Variants in ZC3H8 observed in about 807,000 individuals in gnomAD.
ZC3H8 encodes the protein zinc finger CCCH domain-containing protein 8.
A neutral mutation model predicts 42.5 loss-of-function variants in ZC3H8; 27 were observed. That is an observed-to-expected ratio of 0.64 (90% CI 0.47 to 0.88). The LOEUF is 0.88. Among genes scored for constraint, ZC3H8 ranks in the 40% least tolerant of loss-of-function variants. The probability of loss-of-function intolerance (pLI) is 0.00; values close to 1 mark genes in which losing one functional copy is unlikely to be tolerated. For missense variants in ZC3H8, 277 were observed against 336.1 expected (o/e 0.82, Z 1.37); for synonymous variants, 101 against 110.1 (o/e 0.92, Z 0.52).
At chr2:112,225,607 A>C (rs897224421) in intron 8 of ZC3H8, among the ~76,000 whole-genome samples, 16 of 152,254 alleles carry the variant, frequency 1.1e-4, no homozygotes, top group Non-Finnish European at 1.8e-4. Context: ...ACTTGAGGTC[A>C]GGAGTTCGAG....
chr2:112,240,244 A>G (rs1685522704), intron 2 of ZC3H8: 1 of 152,242 alleles, frequency 6.6e-6, no homozygotes, highest in African/African-American at 2.4e-5. Flanking sequence ...AACACCAATT[A>G]CATCCATTCA....
chr2:112,234,218 T>G lies in ZC3H8; in HGVS notation c.523A>C (p.Lys175Gln), dbSNP rs1402524542. 1 of 1,604,960 alleles carries G rather than the reference T, an allele frequency of 6.2e-7. No homozygotes were observed. The change falls in exon 5 of 9, where the codon AAG becomes CAG. Residue 175 changes from lysine to glutamine, a missense_variant. Physicochemically the swap from Lys to Gln is moderately conservative, Grantham distance 53. Transcript: ENST00000409573. ...AATGCCTGACTCAAATGCTGCTGCT[T>G]CTCTTTAGGTTTACCATCCTTTAAA... ...SQEEDGKPKE[K>Q]QQHLSQAFIN...
intron 6 of ZC3H8, among the ~76,000 whole-genome samples, chr2:112,232,710 T>C (rs1297948950): frequency 6.6e-6 from 1 of 152,204 alleles, no homozygotes; most frequent in East Asian, 1.9e-4. Context: ...CAAATTACAA[T>C]TTGATACTCC....
At position 112,254,084 on chromosome 2, in the gene ZC3H8, T is replaced by C. The variant is rs1686045030; in HGVS notation, c.74+824A>G. 6 of 978,228 alleles carry C rather than the reference T, an allele frequency of 6.1e-6. No individual in the cohort carries two copies. In the South Asian group the frequency reaches 2.8e-4, roughly 46 times the overall value. The allele number at this position is 978,228 out of a possible 1,614,324, so 60.6% of individuals were successfully genotyped here. A position where few individuals can be genotyped will look rare whatever the true frequency, so the allele number is the denominator to read the frequency against. ...TGTTTTGAGGATTAAGTGATTTATTTCATGTAAAGCACAAGGTAAAGCTCT... is the reference window on the plus strand; with the variant it reads ...TGTTTTGAGGATTAAGTGATTTATTCCATGTAAAGCACAAGGTAAAGCTCT... On this transcript the variant is annotated intron_variant, in intron 1 of 8. Transcript: ENST00000409573.
chr2:112,238,380 T>G lies in ZC3H8; in HGVS notation c.305A>C (p.Glu102Ala), dbSNP rs1320354830. Residue 102 changes from glutamate to alanine, a missense_variant, in exon 3 of 9, where the codon GAA (glutamate) becomes GCA (alanine). Physicochemically the swap from Glu to Ala is moderately radical, Grantham distance 107. Coordinates refer to ENST00000409573, the MANE Select transcript of ZC3H8 (RefSeq NM_032494.3). ...KELQQYIQAR[E>A]MANAAQPEES... Reference sequence around the variant, plus strand: ...TTCAGGTTGAGCAGCATTTGCCATTTCTCTGGCTTGTATGTACTGTTGAAG... The same window carrying G: ...TTCAGGTTGAGCAGCATTTGCCATTGCTCTGGCTTGTATGTACTGTTGAAG... 6.2e-7 allele frequency: 1 copy of G among 1,613,760 alleles called. No homozygotes were observed.
At chr2:112,231,756 A>T in intron 7 of ZC3H8, 82 bp downstream of exon 7, 1 of 803,416 alleles carries the variant, frequency 1.2e-6, no homozygotes, top group Non-Finnish European at 1.9e-6. Flanking sequence ...CACTCTCCTT[A>T]ATTATCTTCA....
chr2:112,233,102 G>GA lies in ZC3H8; in HGVS notation c.733+157dup, dbSNP rs199674806. Among the ~76,000 whole-genome samples, 68 of 152,198 alleles carry GA rather than the reference G, an allele frequency of 4.5e-4. No individual in the cohort carries two copies. In the East Asian group the frequency reaches 0.01, roughly 23 times the overall value. On this transcript the variant is annotated intron_variant, in intron 6 of 8. Coordinates refer to ENST00000409573, the MANE Select transcript of ZC3H8 (RefSeq NM_032494.3). Reference sequence around the variant, plus strand: ...AAAGAATCCCTCTTTTCTTGCTTATGAAAAAATCCACGTACAATTTAATCA... The same window carrying GA: ...AAAGAATCCCTCTTTTCTTGCTTATGAAAAAAATCCACGTACAATTTAATCA...
At chr2:112,254,692 G>A (rs929572019) in intron 1 of ZC3H8, among the ~76,000 whole-genome samples, 1 of 152,308 alleles carries the variant, frequency 6.6e-6, no homozygotes, top group East Asian at 1.9e-4. Context: ...GGCCCTGACG[G>A]CCTAAGCCTG....
At chr2:112,246,843 T>C (rs1558933041) in intron 2 of ZC3H8, among the ~76,000 whole-genome samples, 1 of 152,222 alleles carries the variant, frequency 6.6e-6, no homozygotes, top group Non-Finnish European at 1.5e-5. Flanking sequence ...TAAAATGCTA[T>C]CAAACAGCAT....
At position 112,231,921 on chromosome 2, in the gene ZC3H8, T is replaced by G. The variant is rs1685110438; in HGVS notation, c.760A>C (p.Thr254Pro). 2 of 1,583,538 alleles carry G rather than the reference T, an allele frequency of 1.3e-6. No individual in the cohort carries two copies. The highest frequency in any genetic ancestry group is 1.7e-5 in the Admixed American group (1 of 59,088). Residue 254 changes from threonine to proline, a missense_variant, in exon 7 of 9, where the codon ACA becomes CCA. Transcript: ENST00000409573. ...TCTCCCTGATAACATTTTGTTCCTGTATGGTAAAACTTACAAGGATATTCA... is the reference window on the plus strand; with the variant it reads ...TCTCCCTGATAACATTTTGTTCCTGGATGGTAAAACTTACAAGGATATTCA... ...HNEYPCKFYHTGTKCYQGEYC... is the reference protein window; with the variant it reads ...HNEYPCKFYHPGTKCYQGEYC...
chr2:112,212,988 T>TTTTTTC lies in ZC3H8; in HGVS notation c.*3495_*3496insGAAAAA, dbSNP rs1553483034. On this transcript the variant is annotated 3_prime_UTR_variant, in exon 9 of 9. Coordinates refer to ENST00000409573, the MANE Select transcript of ZC3H8 (RefSeq NM_032494.3). ...TGCTTTTTTTTTTTTTTTTTTTTTTTATAAGAGACAAGGCTCTGTTGCCCA... is the reference window on the plus strand; with the variant it reads ...TGCTTTTTTTTTTTTTTTTTTTTTTTTTTTTCATAAGAGACAAGGCTCTGTTGCCCA... 4.3e-5 allele frequency: 5 copies of TTTTTTC among 115,644 alleles called. No homozygotes were observed. The highest frequency in any genetic ancestry group is 1.7e-4 in the African/African-American group (5 of 28,654). 7.2% of individuals were successfully genotyped at this position (115,644 alleles called of 1,614,324 possible). A position where few individuals can be genotyped will look rare whatever the true frequency, so the allele number is the denominator to read the frequency against.
chr2:112,223,412 TA>T (rs1166195132), intron 8 of ZC3H8, among the ~76,000 whole-genome samples: 2 of 151,774 alleles, frequency 1.3e-5, no homozygotes, highest in Non-Finnish European at 2.9e-5. Context: ...ATAAAGCCAT[TA>T]AAAAAAAGAA....
chr2:112,254,228 G>T, intron 1 of ZC3H8: 1 of 858,222 alleles, frequency 1.2e-6, no homozygotes, highest in Non-Finnish European at 1.4e-6. Flanking sequence ...GTAGGTTTAA[G>T]AACAAAGATG....
chr2:112,216,448 T>G lies in ZC3H8; in HGVS notation c.*36A>C, dbSNP rs1370746492. 6.6e-6 allele frequency: 1 copy of G among 152,280 alleles called. No individual in the cohort carries two copies. The highest frequency in any genetic ancestry group is 2.4e-5 in the African/African-American group (1 of 41,464). The allele number at this position is 152,280 out of a possible 1,614,324, so 9.4% of individuals were successfully genotyped here. A position where few individuals can be genotyped will look rare whatever the true frequency, so the allele number is the denominator to read the frequency against. On this transcript the variant is annotated 3_prime_UTR_variant, in exon 9 of 9. Coordinates refer to ENST00000409573, the MANE Select transcript of ZC3H8 (RefSeq NM_032494.3). Reference sequence around the variant, plus strand: ...TGAACACGCATGGGCGTTAAAGTACTCTTTATCTGTACATTGCTACCTACA... The same window carrying G: ...TGAACACGCATGGGCGTTAAAGTACGCTTTATCTGTACATTGCTACCTACA...
chr2:112,244,788 G>A (rs1356753909), intron 2 of ZC3H8, among the ~76,000 whole-genome samples: 1 of 152,132 alleles, frequency 6.6e-6, no homozygotes, highest in African/African-American at 2.4e-5. Flanking sequence ...GAACTTAATC[G>A]ATAAATGTTG....
chr2:112,231,427 C>A (rs1476307878), intron 7 of ZC3H8, among the ~76,000 whole-genome samples: 1 of 152,130 alleles, frequency 6.6e-6, no homozygotes, highest in Non-Finnish European at 1.5e-5. Context: ...GAAAGAATAT[C>A]TGAAGAAAAC....
intron 3 of ZC3H8, 130 bp from the exon 4 acceptor site, chr2:112,236,825 C>T: frequency 2.4e-6 from 2 of 845,730 alleles, no homozygotes; most frequent in Non-Finnish European, 3.6e-6. Flanking sequence ...GGCAGGAGGA[C>T]TGCTCAAAGC....
At chr2:112,227,611 C>G (rs1181811369) in intron 8 of ZC3H8, among the ~76,000 whole-genome samples, 3 of 152,132 alleles carry the variant, frequency 2.0e-5, no homozygotes, top group Non-Finnish European at 4.4e-5. Context: ...CCTACTAGAG[C>G]TAATAAATGA....
At chr2:112,223,553 T>A (rs1467365884) in intron 8 of ZC3H8, among the ~76,000 whole-genome samples, 2 of 152,164 alleles carry the variant, frequency 1.3e-5, no homozygotes, top group Admixed American at 6.5e-5. Flanking sequence ...CATATATTAC[T>A]TTTATAAGAA....
Sources: allele counts gnomAD v4.1 joint callset (sites outside exome capture counted in the v4.1 genomes callset), GRCh38; gene constraint gnomAD v4.1.1; transcripts MANE v1.5; gene names NCBI Gene and HGNC (gene_info 2026-07-23, HGNC 2026-07-21).